POU2F1: variants seen among roughly 807,000 people sequenced by gnomAD.
POU2F1 encodes the protein POU class 2 homeobox 1, also known as POU domain, class 2, transcription factor 1.
Under a neutral mutation model 84.9 loss-of-function variants are expected in POU2F1, and 16 were observed. The observed-to-expected ratio is 0.19, with a 90% CI of 0.13 to 0.29. The LOEUF is 0.29. Ranked by LOEUF, POU2F1 falls within the 10% of genes least tolerant of loss-of-function variation. The pLI is 1.00. For synonymous variants in POU2F1, 368 were observed against 368.3 expected (o/e 1.00, Z 0.01); for missense variants, 738 against 942.6 (o/e 0.78, Z 2.84).
intron 1 of POU2F1, among the ~76,000 whole-genome samples, chr1:167,237,274 A>G (rs1649536902): frequency 6.6e-6 from 1 of 152,176 alleles, no homozygotes; most frequent in Non-Finnish European, 1.5e-5. Flanking sequence ...GTAAACGCCT[A>G]CCTAGACTTT....
intron 1 of POU2F1, among the ~76,000 whole-genome samples, chr1:167,270,287 T>TA (rs566563306): frequency 7.5e-4 from 111 of 147,998 alleles, no homozygotes; most frequent in South Asian, 4.1e-3. Flanking sequence ...TAGCTGAAGT[T>TA]AAAAAAAAAA....
At chr1:167,351,172 G>C (rs1658535425) in intron 2 of POU2F1, among the ~76,000 whole-genome samples, 1 of 152,008 alleles carries the variant, frequency 6.6e-6, no homozygotes, top group Non-Finnish European at 1.5e-5. Context: ...GGCCGACATG[G>C]TGAAACCCCA....
At chr1:167,348,657 A>C (rs1040678599) in intron 2 of POU2F1, among the ~76,000 whole-genome samples, 3 of 152,194 alleles carry the variant, frequency 2.0e-5, no homozygotes, top group African/African-American at 7.2e-5. Context: ...CTTATAGTCA[A>C]AATATCTTGT....
At chr1:167,227,907 T>C (rs1384788100) in intron 1 of POU2F1, among the ~76,000 whole-genome samples, 1 of 152,218 alleles carries the variant, frequency 6.6e-6, no homozygotes, top group Non-Finnish European at 1.5e-5. Context: ...TAATCTTTGC[T>C]AAAGGTTTTG....
intron 2 of POU2F1, among the ~76,000 whole-genome samples, chr1:167,360,808 G>T (rs2101816968): frequency 6.6e-6 from 1 of 152,156 alleles, no homozygotes; most frequent in East Asian, 1.9e-4. Context: ...TAAAGGTATT[G>T]ATTTTTCCAA....
At chr1:167,272,825 A>G (rs761332481) in intron 1 of POU2F1, among the ~76,000 whole-genome samples, 2 of 152,126 alleles carry the variant, frequency 1.3e-5, no homozygotes, top group South Asian at 4.1e-4. Flanking sequence ...CCAATCTCTC[A>G]TGTCCTTCTC....
intron 2 of POU2F1, among the ~76,000 whole-genome samples, chr1:167,355,229 A>G (rs937509623): frequency 2.0e-5 from 3 of 150,286 alleles, no homozygotes; most frequent in Non-Finnish European, 4.4e-5. Context: ...TGTTTTTTAA[A>G]TAGATACCCA....
rs1377298928 is a variant in POU2F1, at chr1:167,399,203, G to A, written c.1287G>A (p.Ser429=). ...CCCTGCAGAATCAAAAGCCTACCTC[G>A]GAAGAGATCACTATGATTGCTGATC... ...KSFLENQKPT[S]EEITMIADQL... Residue 429 remains serine (S), a synonymous_variant, in exon 12 of 16, where the codon TCG becomes TCA. Coordinates refer to ENST00000367866, the MANE Select transcript of POU2F1 (RefSeq NM_002697.4). The A allele has an allele frequency of 6.8e-6, 11 of 1,611,060 alleles. No homozygotes were observed. The highest frequency in any genetic ancestry group is 2.2e-5 in the South Asian group (2 of 90,566).
chr1:167,252,553 C>A (rs1175842678), intron 1 of POU2F1, among the ~76,000 whole-genome samples: 1 of 152,168 alleles, frequency 6.6e-6, no homozygotes, highest in African/African-American at 2.4e-5. Flanking sequence ...GAAGGGGAAC[C>A]AGCGCCCTAT....
At chr1:167,277,579 G>A (rs996881775) in intron 1 of POU2F1, among the ~76,000 whole-genome samples, 7 of 151,108 alleles carry the variant, frequency 4.6e-5, no homozygotes, top group African/African-American at 9.7e-5. Flanking sequence ...CCAAAGCCTC[G>A]GATTACAGGC....
At chr1:167,293,789 T>TC (rs1654092307) in intron 1 of POU2F1, among the ~76,000 whole-genome samples, 1 of 152,018 alleles carries the variant, frequency 6.6e-6, no homozygotes, top group Non-Finnish European at 1.5e-5. Flanking sequence ...GACAGAGAAC[T>TC]CAGAAATAAA....
At chr1:167,276,203 A>G (rs1301062075) in intron 1 of POU2F1, among the ~76,000 whole-genome samples, 1 of 152,182 alleles carries the variant, frequency 6.6e-6, no homozygotes, top group Non-Finnish European at 1.5e-5. Context: ...CGAGGACGTG[A>G]ATCTTTCCTT....
intron 1 of POU2F1, among the ~76,000 whole-genome samples, chr1:167,258,076 A>G (rs768037031): frequency 6.6e-6 from 1 of 152,200 alleles, no homozygotes; most frequent in Non-Finnish European, 1.5e-5. Flanking sequence ...CAAGGTTCCA[A>G]AGCTAAGCTG....
chr1:167,272,343 A>G (rs1451169951), intron 1 of POU2F1, among the ~76,000 whole-genome samples: 1 of 143,940 alleles, frequency 6.9e-6, no homozygotes, highest in Non-Finnish European at 1.5e-5. Flanking sequence ...TTGGCTGGGA[A>G]TGTTCTTACT....
intron 1 of POU2F1, among the ~76,000 whole-genome samples, chr1:167,312,164 C>T (rs547706009): frequency 6.6e-6 from 1 of 151,834 alleles, no homozygotes; most frequent in South Asian, 2.1e-4. Flanking sequence ...TCTTGAACTC[C>T]TCACCTTATG....
chr1:167,316,176 A>G (rs968886523), intron 1 of POU2F1, among the ~76,000 whole-genome samples: 1 of 152,204 alleles, frequency 6.6e-6, no homozygotes, highest in East Asian at 1.9e-4. Context: ...ATGAACCTGC[A>G]CATGTGACAT....
At chr1:167,273,379 G>C (rs897610420) in intron 1 of POU2F1, among the ~76,000 whole-genome samples, 5 of 152,180 alleles carry the variant, frequency 3.3e-5, no homozygotes. Context: ...GACTGTGTGT[G>C]GGGGCTCCAA....
chr1:167,325,647 T>C lies in POU2F1; in HGVS notation c.62-6823T>C, dbSNP rs567283485. On this transcript the variant is annotated intron_variant, in intron 1 of 15. Transcript: ENST00000367866. ...TGGCTCATGCCTGTAATCCCAGCACTTTGGGAGGCCAAGGTGGGCGAATCA... is the reference window on the plus strand; with the variant it reads ...TGGCTCATGCCTGTAATCCCAGCACCTTGGGAGGCCAAGGTGGGCGAATCA... Among the ~76,000 whole-genome samples, 303 of 152,252 alleles carry C rather than the reference T, an allele frequency of 2.0e-3. 2 individuals carry two copies. The highest frequency in any genetic ancestry group is 6.8e-3 in the Middle Eastern group (2 of 294).
At chr1:167,291,176 A>C (rs1450851626) in intron 1 of POU2F1, among the ~76,000 whole-genome samples, 3 of 152,182 alleles carry the variant, frequency 2.0e-5, no homozygotes, top group Admixed American at 1.3e-4. Flanking sequence ...CAGCTTTGCT[A>C]TTCATTCAGT....
Sources: allele counts gnomAD v4.1 joint callset (sites outside exome capture counted in the v4.1 genomes callset), GRCh38; gene constraint gnomAD v4.1.1; transcripts MANE v1.5; gene names NCBI Gene and HGNC (gene_info 2026-07-23, HGNC 2026-07-21).